The following CTNNBL1 variants were observed in gnomAD, a reference collection of about 807,000 sequenced individuals.
CTNNBL1 encodes the protein beta-catenin-like protein 1.
CTNNBL1 carries 31 observed loss-of-function variants against 72.7 expected under a neutral mutation model. The ratio of observed to expected loss-of-function variants is 0.43; its 90% CI spans 0.32 to 0.58. The LOEUF (loss-of-function observed/expected upper bound fraction) is 0.58. Among genes scored for constraint, CTNNBL1 ranks in the 20% least tolerant of loss-of-function variants. CTNNBL1 has a pLI of 0.08. For synonymous variants in CTNNBL1, 240 were observed against 267.3 expected, an observed-to-expected ratio of 0.90 and a Z score of 1.00; for missense variants, 534 against 725.1, an observed-to-expected ratio of 0.74 and a Z score of 3.03.
At chr20:37,774,319 A>G (rs781561259) in intron 7 of CTNNBL1, among the ~76,000 whole-genome samples, 16 of 152,164 alleles carry the variant, frequency 1.1e-4, no homozygotes, top group Non-Finnish European at 2.2e-4. Context: ...GTGTTGCCCA[A>G]ACCACATGGG....
At chr20:37,704,073 G>A (rs1182886810) in intron 1 of CTNNBL1, among the ~76,000 whole-genome samples, 4 of 152,132 alleles carry the variant, frequency 2.6e-5, no homozygotes, top group Non-Finnish European at 5.9e-5. Flanking sequence ...CACCGTGCCC[G>A]GCCATGGTTC....
chr20:37,747,690 T>A (rs2073279623), intron 4 of CTNNBL1, among the ~76,000 whole-genome samples: 1 of 152,154 alleles, frequency 6.6e-6, no homozygotes. Flanking sequence ...GTGATCCTAC[T>A]CCTTAGCCTC....
intron 5 of CTNNBL1, among the ~76,000 whole-genome samples, chr20:37,759,940 C>T (rs1364097073): frequency 6.6e-6 from 1 of 152,178 alleles, no homozygotes; most frequent in African/African-American, 2.4e-5. Context: ...GGCTAGAGGG[C>T]ATGTGGCAGA....
In CTNNBL1 at chr20:37,871,984, C is replaced by T. The variant is rs779235318; in HGVS notation, c.1663C>T (p.Arg555Cys). The stretch of plus-strand genomic sequence containing the variant: ...GGAGTTCCGGGAGAACGAGCAAAAG[C>T]GCATCCTGGGCTTGCTGGAGAACTT... ...SPEFRENEQK[R>C]ILGLLENF Residue 555 changes from arginine (R) to cysteine (C), a missense_variant, in exon 16 of 16, where the codon CGC (arginine) becomes TGC (cysteine). Coordinates refer to ENST00000361383, the MANE Select transcript of CTNNBL1 (RefSeq NM_030877.5). 15 of 1,614,118 alleles carry T rather than the reference C, an allele frequency of 9.3e-6. No individual in the cohort carries two copies. The highest frequency in any genetic ancestry group is 5.0e-5 in the Admixed American group (3 of 60,018).
intron 11 of CTNNBL1, among the ~76,000 whole-genome samples, chr20:37,816,158 C>T (rs779060871): frequency 3.0e-4 from 46 of 152,086 alleles, no homozygotes; most frequent in Non-Finnish European, 5.6e-4. Context: ...TCCAGGTAGC[C>T]AAACAAAGGA....
chr20:37,871,575 AC>A (rs934072268), intron 15 of CTNNBL1, among the ~76,000 whole-genome samples: 1 of 151,848 alleles, frequency 6.6e-6, no homozygotes, highest in Non-Finnish European at 1.5e-5. Context: ...GAACCTAATC[AC>A]CCCATAAAGG....
At chr20:37,794,609 C>G (rs777173932) in intron 10 of CTNNBL1, among the ~76,000 whole-genome samples, 1 of 152,180 alleles carries the variant, frequency 6.6e-6, no homozygotes, top group Non-Finnish European at 1.5e-5. Flanking sequence ...TCTTCTACCT[C>G]AACTTCTTGA....
chr20:37,808,851 A>T (rs1320452430), intron 11 of CTNNBL1, among the ~76,000 whole-genome samples: 2 of 151,636 alleles, frequency 1.3e-5, no homozygotes, highest in Non-Finnish European at 2.9e-5. Flanking sequence ...CCATTCCTTC[A>T]CTGCTGTCAT....
chr20:37,752,784 T>C (rs1412622112), intron 4 of CTNNBL1, among the ~76,000 whole-genome samples: 1 of 152,144 alleles, frequency 6.6e-6, no homozygotes, highest in Non-Finnish European at 1.5e-5. Context: ...TACACTAACT[T>C]ATTGCCCCAG....
intron 10 of CTNNBL1, among the ~76,000 whole-genome samples, chr20:37,792,459 C>T (rs1452985678): frequency 6.6e-6 from 1 of 152,160 alleles, no homozygotes; most frequent in Non-Finnish European, 1.5e-5. Context: ...TAGGAATGCA[C>T]CATGATGCTG....
chr20:37,863,270 TGAAATG>T (rs2072507507), intron 15 of CTNNBL1, among the ~76,000 whole-genome samples: 1 of 152,038 alleles, frequency 6.6e-6, no homozygotes, highest in South Asian at 2.1e-4. Context: ...CCAAGCCCAG[TGAAATG>T]CACGCTCCAG....
intron 14 of CTNNBL1, 40 bp downstream of exon 14, chr20:37,860,076 C>A: frequency 6.2e-7 from 1 of 1,600,476 alleles, no homozygotes. Context: ...TCCATCCCTG[C>A]CTCCTTCCTC....
At position 37,694,065 on chromosome 20, in the gene CTNNBL1, C is replaced by T; in HGVS notation, c.-58C>T. 2 of 1,572,986 alleles carry T rather than the reference C, an allele frequency of 1.3e-6. No homozygotes were observed. Among genetic ancestry groups the T allele is most frequent in the East Asian group, 4.7e-5 (2 of 42,254 alleles). On this transcript the variant is annotated 5_prime_UTR_variant, in exon 1 of 16. The change creates a new upstream start codon in the 5' untranslated region. Transcript: ENST00000361383. Reference sequence around the variant, plus strand: ...GCAGTGTGGCTGGAGCCGCGGCTGACGGGCCCGCGGTCTGGGCGTGAGTGC... The same window carrying T: ...GCAGTGTGGCTGGAGCCGCGGCTGATGGGCCCGCGGTCTGGGCGTGAGTGC...
chr20:37,718,827 C>G (rs1402080419), intron 1 of CTNNBL1, among the ~76,000 whole-genome samples: 1 of 152,194 alleles, frequency 6.6e-6, no homozygotes, highest in Non-Finnish European at 1.5e-5. Flanking sequence ...ATGATGGCAG[C>G]AGGGAGAGCT....
intron 5 of CTNNBL1, among the ~76,000 whole-genome samples, chr20:37,759,088 G>A (rs982107888): frequency 2.6e-5 from 4 of 152,182 alleles, no homozygotes. Context: ...ATTTATGACC[G>A]AATATAATGA....
At chr20:37,847,451 A>G (rs1306663939) in intron 13 of CTNNBL1, among the ~76,000 whole-genome samples, 1 of 152,090 alleles carries the variant, frequency 6.6e-6, no homozygotes, top group Non-Finnish European at 1.5e-5. Context: ...CTTGAGACCC[A>G]TCTAGTGAGC....
At chr20:37,797,157 T>C (rs994692486) in intron 10 of CTNNBL1, among the ~76,000 whole-genome samples, 5 of 152,186 alleles carry the variant, frequency 3.3e-5, no homozygotes, top group Non-Finnish European at 5.9e-5. Context: ...CCTCTGGCTG[T>C]GGTCCTATTG....
chr20:37,737,588 TC>T, intron 3 of CTNNBL1, 104 bp downstream of exon 3: 1 of 693,892 alleles, frequency 1.4e-6, no homozygotes, highest in African/African-American at 1.8e-5. Context: ...GGGCCAGGAA[TC>T]CCAGGATGAC....
At chr20:37,775,331 A>G (rs1330040838) in intron 7 of CTNNBL1, among the ~76,000 whole-genome samples, 2 of 152,220 alleles carry the variant, frequency 1.3e-5, no homozygotes, top group African/African-American at 2.4e-5. Flanking sequence ...CGATTTTCAC[A>G]GTTATTTTTG....
Sources: allele counts gnomAD v4.1 joint callset (sites outside exome capture counted in the v4.1 genomes callset), GRCh38; gene constraint gnomAD v4.1.1; transcripts MANE v1.5; gene names NCBI Gene and HGNC (gene_info 2026-07-23, HGNC 2026-07-21).